ACBD6: variants seen among roughly 807,000 people sequenced by gnomAD.
ACBD6 encodes the protein acyl-CoA binding domain containing 6, also known as acyl-CoA-binding domain-containing protein 6.
Under a neutral mutation model 37.2 loss-of-function variants are expected in ACBD6, and 28 were observed. That is an observed-to-expected ratio of 0.75 (90% CI 0.56 to 1.03). The LOEUF is 1.03. ACBD6 is among the 50% of genes least tolerant of loss of function. ACBD6 has a pLI of 0.00. For synonymous variants in ACBD6, 113 were observed against 126.8 expected (o/e 0.89, Z 0.73); for missense variants, 340 against 337.4 (o/e 1.01, Z -0.06).
At chr1:180,452,784 A>G (rs1409780829) in intron 3 of ACBD6, among the ~76,000 whole-genome samples, 7 of 152,170 alleles carry the variant, frequency 4.6e-5, no homozygotes, top group Non-Finnish European at 7.3e-5. Flanking sequence ...TACTATAAAC[A>G]CCTCTACGCA....
chr1:180,365,082 T>C (rs1653006539), intron 6 of ACBD6, among the ~76,000 whole-genome samples: 1 of 152,164 alleles, frequency 6.6e-6, no homozygotes, highest in Non-Finnish European at 1.5e-5. Flanking sequence ...AGGTCATAGT[T>C]AGTGGCAGAA....
intron 5 of ACBD6, among the ~76,000 whole-genome samples, chr1:180,410,589 T>A (rs1462815780): frequency 1.3e-5 from 2 of 152,150 alleles, no homozygotes; most frequent in African/African-American, 4.8e-5. Flanking sequence ...AAAGCCTAGA[T>A]GACAGTATAT....
intron 6 of ACBD6, among the ~76,000 whole-genome samples, chr1:180,387,499 T>C (rs1001719712): frequency 4.6e-5 from 7 of 152,208 alleles, no homozygotes; most frequent in Non-Finnish European, 1.0e-4. Context: ...AAGTCTAGGC[T>C]TCCCATTTGG....
intron 6 of ACBD6, among the ~76,000 whole-genome samples, chr1:180,358,195 G>A (rs1377500994): frequency 3.3e-5 from 5 of 152,160 alleles, no homozygotes; most frequent in Non-Finnish European, 7.3e-5. Flanking sequence ...TTGGGAGGCC[G>A]AGGTGGGCGG....
chr1:180,315,033 G>A (rs1650742736), intron 6 of ACBD6, among the ~76,000 whole-genome samples: 1 of 152,048 alleles, frequency 6.6e-6, no homozygotes, highest in African/African-American at 2.4e-5. Flanking sequence ...CTAGTTCATG[G>A]CAGAAAAATT....
intron 6 of ACBD6, among the ~76,000 whole-genome samples, chr1:180,326,032 C>A (rs897700624): frequency 6.6e-6 from 1 of 152,084 alleles, no homozygotes; most frequent in Non-Finnish European, 1.5e-5. Flanking sequence ...CTGGCTACCA[C>A]CTATCTTTAC....
In ACBD6 at chr1:180,288,508, C is replaced by A; in HGVS notation, c.704G>T (p.Cys235Phe). ...CAGCTCTACAATATCCAGAAACTCA[C>A]AGGCAGAGGCTGAAAGGAAAATTGA... is the stretch of plus-strand genomic sequence containing the variant. ...GQTALHYASACEFLDIVELLL... is the reference protein window; with the variant it reads ...GQTALHYASAFEFLDIVELLL... Residue 235 changes from cysteine (C) to phenylalanine (F), a missense_variant, in exon 8 of 8, where the codon TGT becomes TTT. Coordinates refer to ENST00000367595, the MANE Select transcript of ACBD6 (RefSeq NM_032360.4). The A allele has an allele frequency of 1.9e-6, 3 of 1,613,190 alleles. No individual in the cohort carries two copies. The highest frequency in any genetic ancestry group is 2.5e-6 in the Non-Finnish European group (3 of 1,179,656).
intron 3 of ACBD6, among the ~76,000 whole-genome samples, chr1:180,486,489 T>A (rs1651267935): frequency 6.6e-6 from 1 of 152,204 alleles, no homozygotes; most frequent in Non-Finnish European, 1.5e-5. Context: ...CTCAGACCTT[T>A]CACAGTTCTT....
chr1:180,451,106 G>T (rs181464515), intron 3 of ACBD6, among the ~76,000 whole-genome samples: 1 of 152,162 alleles, frequency 6.6e-6, no homozygotes, highest in Non-Finnish European at 1.5e-5. Context: ...AAAGGGAAAT[G>T]TAACTTAAAA....
intron 6 of ACBD6, among the ~76,000 whole-genome samples, chr1:180,397,173 A>G (rs1654289983): frequency 6.6e-6 from 1 of 152,252 alleles, no homozygotes; most frequent in Non-Finnish European, 1.5e-5. Context: ...TATGCTAAGT[A>G]AAAGAAGTCA....
intron 7 of ACBD6, among the ~76,000 whole-genome samples, chr1:180,307,757 C>T (rs944012239): frequency 5.3e-5 from 8 of 152,152 alleles, no homozygotes; most frequent in African/African-American, 1.9e-4. Flanking sequence ...GAGTTTGAGA[C>T]CAGCCTGGTC....
rs1284949205 is a variant in ACBD6 at position 180,498,849 on chromosome 1, C to T, written c.222+3196G>A. On this transcript the variant is annotated intron_variant, in intron 1 of 7. Transcript: ENST00000367595. Reference sequence around the variant, plus strand: ...TTCCAGCCTGGATGACAGAGCAAAACTGTCTCAAAAAAAAAAAAAAAAGTA... The same window carrying T: ...TTCCAGCCTGGATGACAGAGCAAAATTGTCTCAAAAAAAAAAAAAAAAGTA... Among the ~76,000 whole-genome samples, 84 of 146,336 alleles carry T rather than the reference C, an allele frequency of 5.7e-4. 1 individual carries two copies. Among genetic ancestry groups the T allele is most frequent in the Non-Finnish European group, 2.2e-4 (15 of 66,884 alleles).
rs530933636 is a variant in ACBD6, at chr1:180,375,439, C to T, written c.663+22077G>A. ...CTCCTGGGCTCAGGTGATCCTCCTG[C>T]TTCAGCCTCATGAGTAGCTGGGACG... On this transcript the variant is annotated intron_variant, in intron 6 of 7. Transcript: ENST00000367595. Among the ~76,000 whole-genome samples the T allele has an allele frequency of 3.2e-4, 48 of 152,280 alleles. 2 individuals carry two copies. In the South Asian group the frequency reaches 9.3e-3, roughly 30 times the overall value.
intron 3 of ACBD6, among the ~76,000 whole-genome samples, chr1:180,439,448 G>A (rs1030712455): frequency 2.0e-5 from 3 of 152,142 alleles, no homozygotes; most frequent in Middle Eastern, 3.2e-3. Flanking sequence ...AAAATTAGCT[G>A]GGCATGGTGG....
At chr1:180,336,926 G>A (rs548741717) in intron 6 of ACBD6, among the ~76,000 whole-genome samples, 11 of 152,158 alleles carry the variant, frequency 7.2e-5, no homozygotes, top group South Asian at 2.1e-4. Context: ...TAAATTCCTC[G>A]ACACATACAC....
At chr1:180,484,679 C>T (rs187791265) in intron 3 of ACBD6, among the ~76,000 whole-genome samples, 2 of 148,438 alleles carry the variant, frequency 1.3e-5, no homozygotes, top group East Asian at 3.9e-4. Context: ...CATGTATACA[C>T]GTCTGTGTCT....
intron 5 of ACBD6, among the ~76,000 whole-genome samples, chr1:180,409,150 A>C (rs1215093835): frequency 1.3e-5 from 2 of 151,906 alleles, no homozygotes; most frequent in African/African-American, 4.8e-5. Flanking sequence ...TCTAAAAAAA[A>C]GAGAAAATTT....
chr1:180,372,740 CCAGTGTTCTTGAGAGTAT>C (rs1653305154), intron 6 of ACBD6, among the ~76,000 whole-genome samples: 2 of 152,090 alleles, frequency 1.3e-5, no homozygotes, highest in South Asian at 4.1e-4. Context: ...ATAAGATTTT[CCAGTGTTCTTGAGAGTAT>C]CACTTACTTC....
intron 6 of ACBD6, among the ~76,000 whole-genome samples, chr1:180,364,103 G>T (rs1652950421): frequency 6.6e-6 from 1 of 152,170 alleles, no homozygotes; most frequent in South Asian, 2.1e-4. Flanking sequence ...TAAAGACTGG[G>T]CACTAAGTCT....
Sources: allele counts gnomAD v4.1 joint callset (sites outside exome capture counted in the v4.1 genomes callset), GRCh38; gene constraint gnomAD v4.1.1; transcripts MANE v1.5; gene names NCBI Gene and HGNC (gene_info 2026-07-23, HGNC 2026-07-21).